The following SPTLC3 variants were observed in gnomAD, a reference collection of about 807,000 sequenced individuals.
SPTLC3 encodes serine palmitoyltransferase 3.
SPTLC3 carries 36 observed loss-of-function variants against 59.3 expected under a neutral mutation model. The ratio of observed to expected loss-of-function variants is 0.61; its 90% confidence interval spans 0.47 to 0.80. The LOEUF (loss-of-function observed/expected upper bound fraction) is 0.80, where lower values mean the gene tolerates loss of function less well. Among genes scored for constraint, SPTLC3 ranks in the 30% least tolerant of loss-of-function variants. SPTLC3 has a pLI of 0.00. For missense variants in SPTLC3, 625 were observed against 685.1 expected (o/e 0.91, Z 0.98); for synonymous variants, 257 against 240.8 (o/e 1.07, Z -0.62).
chr20:13,066,228 C>T (rs1365626417), intron 2 of SPTLC3, among the ~76,000 whole-genome samples: 1 of 75,890 alleles, frequency 1.3e-5, no homozygotes, highest in Non-Finnish European at 3.1e-5. Flanking sequence ...TCCATTTTGA[C>T]TGCATTTTTA....
intron 9 of SPTLC3, among the ~76,000 whole-genome samples, chr20:13,149,319 G>C (rs751311017): frequency 2.0e-5 from 3 of 152,192 alleles, no homozygotes; most frequent in African/African-American, 7.2e-5. Context: ...TAGCATGGCT[G>C]TCCCTGTACA....
intron 1 of SPTLC3, among the ~76,000 whole-genome samples, chr20:13,037,202 T>C (rs553142136): frequency 6.6e-6 from 1 of 152,292 alleles, no homozygotes; most frequent in Admixed American, 6.5e-5. Context: ...AGTCACCCAA[T>C]GGACGTTCCC....
intron 9 of SPTLC3, among the ~76,000 whole-genome samples, chr20:13,134,023 A>C (rs939184734): frequency 6.6e-6 from 1 of 152,200 alleles, no homozygotes. Context: ...GGCCACGCTC[A>C]AACTGTGAAC....
At chr20:13,155,748 C>G (rs1004643484) in intron 10 of SPTLC3, among the ~76,000 whole-genome samples, 1 of 152,080 alleles carries the variant, frequency 6.6e-6, no homozygotes, top group Admixed American at 6.5e-5. Context: ...GTGGCATGAA[C>G]CTGGGAGGTG....
intron 6 of SPTLC3, among the ~76,000 whole-genome samples, chr20:13,098,078 G>A (rs767421366): frequency 1.2e-4 from 19 of 152,192 alleles, no homozygotes; most frequent in African/African-American, 2.6e-4. Context: ...TTAAAGCGTC[G>A]TATAAAGAAA....
At chr20:13,009,522 A>G in intron 1 of SPTLC3, 138 bp downstream of exon 1, 1 of 788,834 alleles carries the variant, frequency 1.3e-6, no homozygotes. Flanking sequence ...GACTCTGTTA[A>G]TAGAAAGTGC....
At chr20:13,109,043 G>T (rs1384188331) in intron 6 of SPTLC3, among the ~76,000 whole-genome samples, 2 of 152,028 alleles carry the variant, frequency 1.3e-5, no homozygotes, top group African/African-American at 2.4e-5. Context: ...ATAAACCTCG[G>T]CCATTTTTTT....
intron 6 of SPTLC3, among the ~76,000 whole-genome samples, chr20:13,105,621 A>AT (rs953036250): frequency 9.9e-5 from 15 of 152,078 alleles, no homozygotes; most frequent in Non-Finnish European, 2.1e-4. Context: ...GAATTTACAT[A>AT]TTTTTTCCAA....
At chr20:13,045,569 A>C (rs185315703) in intron 1 of SPTLC3, among the ~76,000 whole-genome samples, 4 of 152,210 alleles carry the variant, frequency 2.6e-5, no homozygotes, top group African/African-American at 7.2e-5. Context: ...ATACATTTCC[A>C]GATAGCTTTT....
intron 6 of SPTLC3, among the ~76,000 whole-genome samples, chr20:13,107,450 GTGTTGAATTGTGTCAAAT>G (rs1989967062): frequency 6.6e-6 from 1 of 152,204 alleles, no homozygotes; most frequent in Non-Finnish European, 1.5e-5. Flanking sequence ...AGATAAGTGT[GTGTTGAATTGTGTCAAAT>G]GCTGCCCACG....
intron 4 of SPTLC3, among the ~76,000 whole-genome samples, chr20:13,085,916 T>C (rs1366339681): frequency 6.6e-6 from 1 of 152,168 alleles, no homozygotes; most frequent in African/African-American, 2.4e-5. Flanking sequence ...GTTTTGAGCA[T>C]AACACTGAAT....
intron 10 of SPTLC3, 134 bp downstream of exon 10, chr20:13,154,272 AG>A (rs1382971886): frequency 1.7e-6 from 2 of 1,166,630 alleles, no homozygotes; most frequent in African/African-American, 3.1e-5. Context: ...GCTTCTCGGA[AG>A]CCACCTGTCA....
At chr20:13,051,928 T>G (rs1987509682) in intron 2 of SPTLC3, among the ~76,000 whole-genome samples, 1 of 152,122 alleles carries the variant, frequency 6.6e-6, no homozygotes. Flanking sequence ...CCTAAGGCAG[T>G]GCTAAGAGAA....
chr20:13,153,876 C>A, intron 9 of SPTLC3, 127 bp from the exon 10 acceptor site: 2 of 1,256,712 alleles, frequency 1.6e-6, no homozygotes, highest in Non-Finnish European at 2.2e-6. Context: ...TCTCCCTTCC[C>A]TACTTCCTCC....
intron 1 of SPTLC3, among the ~76,000 whole-genome samples, chr20:13,013,839 T>C (rs4814181): frequency 0.56 from 85,334 of 152,166 alleles, 26,801 homozygotes; most frequent in South Asian, 0.71. Context: ...ATTGGATTGT[T>C]CATGATTCAG....
chr20:13,058,454 C>T (rs75409736), intron 2 of SPTLC3, among the ~76,000 whole-genome samples: 1,948 of 152,206 alleles, frequency 0.013, 39 homozygotes, highest in African/African-American at 0.043. Flanking sequence ...AATATTAGAC[C>T]AGTGCTTTGC....
rs372586869 is a variant in SPTLC3 at position 13,096,123 on chromosome 20, C to A, written c.826+2546C>A. Among the ~76,000 whole-genome samples, 12 of 152,064 alleles carry A rather than the reference C, an allele frequency of 7.9e-5. No individual in the cohort carries two copies. In the East Asian group the frequency reaches 1.7e-3, roughly 22 times the overall value. On this transcript the variant is annotated intron_variant, in intron 6 of 11. Coordinates refer to ENST00000399002, the MANE Select transcript of SPTLC3 (RefSeq NM_018327.4). ...AGCTAAAATTTAAAAGATGACAACA[C>A]CAAATGTTAGCAAGGCTATGGAGCC... is the stretch of plus-strand genomic sequence containing the variant.
chr20:13,074,587 G>A, intron 4 of SPTLC3, 90 bp downstream of exon 4: 1 of 1,379,946 alleles, frequency 7.2e-7, no homozygotes, highest in South Asian at 1.7e-5. Flanking sequence ...TTTGGACTGT[G>A]TCCCTTAAAA....
intron 10 of SPTLC3, 85 bp from the exon 11 acceptor site, chr20:13,159,918 T>C (rs2038858268): frequency 1.4e-6 from 2 of 1,425,290 alleles, no homozygotes; most frequent in Admixed American, 4.7e-5. Context: ...AAAAAATCAA[T>C]TAGCCATATT....
Sources: gnomAD v4.1 joint callset for allele counts (sites outside exome capture counted in the v4.1 genomes callset) on GRCh38, gnomAD v4.1.1 for gene constraint, MANE v1.5 for transcripts, NCBI Gene and HGNC (gene_info 2026-07-23, HGNC 2026-07-21) for gene names.